The following ABCC12 variants were observed in gnomAD, a reference collection of about 807,000 sequenced individuals.
ABCC12 encodes ATP binding cassette subfamily C member 12.
A neutral mutation model predicts 151.1 loss-of-function variants in ABCC12; 142 were observed. The ratio of observed to expected loss-of-function variants is 0.94; its 90% confidence interval spans 0.82 to 1.08. The LOEUF (loss-of-function observed/expected upper bound fraction) is 1.08. Among genes scored for constraint, ABCC12 ranks in the 50% least tolerant of loss-of-function variants. The pLI is 0.00. For missense variants in ABCC12, 1,638 were observed against 1,691.1 expected (o/e 0.97, Z 0.55); for synonymous variants, 645 against 646.4 (o/e 1.00, Z 0.03).
At chr16:48,086,692 G>C in intron 28 of ABCC12, 49 bp downstream of exon 28, 1 of 1,504,400 alleles carries the variant, frequency 6.6e-7, no homozygotes, top group Non-Finnish European at 9.3e-7. Context: ...GGAATCTAGG[G>C]CAGTGGTGCT....
At chr16:48,146,632 C>A (rs1462174102) in intron 2 of ABCC12, 158 bp from the exon 3 acceptor site, 3 of 554,900 alleles carry the variant, frequency 5.4e-6, no homozygotes, top group Non-Finnish European at 9.6e-6. Context: ...GGCCAGAAGA[C>A]CTGCTACGTC....
chr16:48,122,001 G>A (rs963069772), intron 12 of ABCC12, among the ~76,000 whole-genome samples, 161 bp from the exon 13 acceptor site: 3 of 152,250 alleles, frequency 2.0e-5, no homozygotes, highest in Non-Finnish European at 4.4e-5. Context: ...GCCCAACCAT[G>A]CAGATGCAGA....
At chr16:48,091,333 A>G (rs1962885293) in intron 24 of ABCC12, 124 bp from the exon 25 acceptor site, 1 of 840,292 alleles carries the variant, frequency 1.2e-6, no homozygotes, top group African/African-American at 1.7e-5. Flanking sequence ...CAGCACAAAC[A>G]GGAGGCCTGC....
At chr16:48,149,204 A>T (rs1159243001) in intron 2 of ABCC12, among the ~76,000 whole-genome samples, 1 of 151,120 alleles carries the variant, frequency 6.6e-6, no homozygotes, top group Non-Finnish European at 1.5e-5. Context: ...CTAAGAAGTC[A>T]GTCAAGGAAA....
chr16:48,110,279 A>G (rs986349131), intron 18 of ABCC12, among the ~76,000 whole-genome samples: 2 of 152,072 alleles, frequency 1.3e-5, no homozygotes, highest in African/African-American at 4.8e-5. Flanking sequence ...TGTGCCTTCC[A>G]TTTGCTAGTA....
rs762270779 is a variant in ABCC12, at chr16:48,100,888, CCTT to C, written c.3019_3021del (p.Lys1007del). ...GGGACTCACTAGGTGATGCAGCTCT[CCTT>C]CTTGCCATAGGCGTGAATGATGCCC... On this transcript the variant is annotated inframe_deletion, in exon 23 of 31. Coordinates refer to ENST00000311303, the MANE Select transcript of ABCC12 (RefSeq NM_001393797.1). 1.9e-6 allele frequency: 3 copies of C among 1,614,182 alleles called. No homozygotes were observed. The highest frequency in any genetic ancestry group is 2.5e-6 in the Non-Finnish European group (3 of 1,180,022).
rs748309315 is a variant in ABCC12, at chr16:48,105,210, T to C, written c.2602A>G (p.Thr868Ala). The C allele has an allele frequency of 1.2e-6, 2 of 1,614,158 alleles. No individual in the cohort carries two copies. Among genetic ancestry groups the C allele is most frequent in the South Asian group, 1.1e-5 (1 of 91,076 alleles). Residue 868 changes from threonine (T) to alanine (A), a missense_variant, in exon 21 of 31, where the codon ACC becomes GCC. By Grantham distance (58) the Thr-to-Ala change is moderately conservative (BLOSUM62 0). Coordinates refer to ENST00000311303, the MANE Select transcript of ABCC12 (RefSeq NM_001393797.1). ...GTCTTGGTGAAGACGAAGCCTTTGG[T>C]GACGCCAAACACCAGCATGAACACC... is the stretch of plus-strand genomic sequence containing the variant. ...SMVFMLVFGVTKGFVFTKTTL... is the reference protein window; with the variant it reads ...SMVFMLVFGVAKGFVFTKTTL...
At chr16:48,133,463 T>G (rs879507119) in intron 9 of ABCC12, among the ~76,000 whole-genome samples, 34 of 151,184 alleles carry the variant, frequency 2.2e-4, no homozygotes, top group Non-Finnish European at 4.4e-4. Context: ...GAGGCAGAGG[T>G]TGCAGTCAGC....
intron 13 of ABCC12, among the ~76,000 whole-genome samples, chr16:48,118,781 T>C (rs1015206451): frequency 6.6e-6 from 1 of 152,228 alleles, no homozygotes; most frequent in African/African-American, 2.4e-5. Flanking sequence ...GCAGTTATGA[T>C]GAGGGGCCTT....
chr16:48,088,201 A>C, intron 26 of ABCC12, 116 bp from the exon 27 acceptor site: 1 of 1,187,838 alleles, frequency 8.4e-7, no homozygotes, highest in South Asian at 1.5e-5. Flanking sequence ...TAAGGATGAC[A>C]GTGTAGACAG....
chr16:48,144,333 T>C (rs1964927667), intron 3 of ABCC12, among the ~76,000 whole-genome samples: 1 of 152,242 alleles, frequency 6.6e-6, no homozygotes, highest in Non-Finnish European at 1.5e-5. Flanking sequence ...TAAATTGTCT[T>C]AAAGACAAAG....
At chr16:48,101,959 T>G (rs1449579558) in intron 22 of ABCC12, among the ~76,000 whole-genome samples, 2 of 152,188 alleles carry the variant, frequency 1.3e-5, no homozygotes, top group African/African-American at 4.8e-5. Context: ...CCCTTGAGTT[T>G]GGAGACTCAG....
At chr16:48,136,858 G>A (rs182846875) in intron 8 of ABCC12, among the ~76,000 whole-genome samples, 51 of 152,312 alleles carry the variant, frequency 3.3e-4, no homozygotes, top group African/African-American at 1.2e-3. Context: ...CACCGCTAGA[G>A]CTGAGTTTCC....
chr16:48,119,016 G>A (rs994003796), intron 13 of ABCC12, among the ~76,000 whole-genome samples: 1 of 152,210 alleles, frequency 6.6e-6, no homozygotes, highest in South Asian at 2.1e-4. Flanking sequence ...TTGCCAATCT[G>A]ACTCAGACTG....
chr16:48,143,777 G>T, intron 4 of ABCC12, 133 bp downstream of exon 4: 1 of 1,185,504 alleles, frequency 8.4e-7, no homozygotes, highest in Non-Finnish European at 1.1e-6. Flanking sequence ...CACCATGATT[G>T]TGAGGCCTCC....
chr16:48,082,767 G>A lies in ABCC12; in HGVS notation c.*948C>T, dbSNP rs1020419099. On this transcript the variant is annotated 3_prime_UTR_variant, in exon 31 of 31. Coordinates refer to ENST00000311303, the MANE Select transcript of ABCC12 (RefSeq NM_001393797.1). ...ATGAAAAACAGCCAGAACTCCCAGC[G>A]TGCCCCTTGGCGGCTACTACACAAG... Among the ~76,000 whole-genome samples, 7 of 152,310 alleles carry A rather than the reference G, an allele frequency of 4.6e-5. No individual in the cohort carries two copies. The highest frequency in any genetic ancestry group is 2.0e-4 in the Admixed American group (3 of 15,304).
At chr16:48,103,856 G>C (rs1174072199) in intron 22 of ABCC12, among the ~76,000 whole-genome samples, 1 of 152,198 alleles carries the variant, frequency 6.6e-6, no homozygotes, top group Admixed American at 6.5e-5. Flanking sequence ...GAGCAGCAAC[G>C]GTAGAGCCCC....
intron 2 of ABCC12, among the ~76,000 whole-genome samples, chr16:48,149,280 CAGAAG>C (rs958837881): frequency 3.9e-5 from 5 of 128,212 alleles, no homozygotes; most frequent in African/African-American, 1.4e-4. Flanking sequence ...CAAGGAGGGA[CAGAAG>C]AATAAAACAC....
Position 48,105,193 on chromosome 16 carries a change from G to A in ABCC12, c.2619C>T (p.Phe873=), listed in dbSNP as rs1963446304. Residue 873 remains phenylalanine, a synonymous_variant, in exon 21 of 31, where the codon TTC becomes TTT. Coordinates refer to ENST00000311303, the MANE Select transcript of ABCC12 (RefSeq NM_001393797.1). ...AGGATGCCATCAGTGTGGTCTTGGT[G>A]AAGACGAAGCCTTTGGTGACGCCAA... is the stretch of plus-strand genomic sequence containing the variant. The part of the protein sequence containing the change: ...LVFGVTKGFV[F]TKTTLMASSS... The A allele has an allele frequency of 6.2e-7, 1 of 1,614,184 alleles. No individual in the cohort carries two copies. The highest frequency in any genetic ancestry group is 1.3e-5 in the African/African-American group (1 of 75,042).
Sources: gnomAD v4.1 joint callset for allele counts (sites outside exome capture counted in the v4.1 genomes callset) on GRCh38, gnomAD v4.1.1 for gene constraint, MANE v1.5 for transcripts, NCBI Gene and HGNC (gene_info 2026-07-23, HGNC 2026-07-21) for gene names.